The following INSL6 variants were observed in gnomAD, a reference collection of about 807,000 sequenced individuals.
The protein encoded by INSL6 is insulin like 6.
In INSL6, 16 loss-of-function variants were observed where a neutral mutation model predicts 9.4. The observed-to-expected ratio is 1.70, with a 90% CI of 1.15 to 2.59. The LOEUF is 2.59. INSL6 is among the 30% of genes most tolerant of loss of function. The pLI is 0.00. For synonymous variants in INSL6, 154 were observed against 96.9 expected, an observed-to-expected ratio of 1.59 and a Z score of -3.46; for missense variants, 391 against 257.3, an observed-to-expected ratio of 1.52 and a Z score of -3.56.
At chr9:5,106,107 A>T in the INSL6 span, among the ~76,000 whole-genome samples, 10 of 152,210 alleles carry the variant, frequency 6.6e-5, no homozygotes, top group African/African-American at 2.2e-4. Context: ...ACAAACTACC[A>T]TTAGAGTGGA....
intron 2 of INSL6, among the ~76,000 whole-genome samples, chr9:5,154,604 G>A (rs529512997): frequency 1.3e-3 from 197 of 152,110 alleles, no homozygotes; most frequent in African/African-American, 3.4e-3. Flanking sequence ...CAGAATCTAC[G>A]ATGAACTCAA....
chr9:5,023,435 G>A, the INSL6 span, among the ~76,000 whole-genome samples: 143 of 152,268 alleles, frequency 9.4e-4, no homozygotes, highest in Non-Finnish European at 1.6e-3. Context: ...TTAGGACTCG[G>A]GGGGAGCGTG....
chr9:5,124,316 T>G (rs1474752284), exon 4 of INSL6, among the ~76,000 whole-genome samples: 1 of 151,810 alleles, frequency 6.6e-6, no homozygotes, highest in East Asian at 1.9e-4. Flanking sequence ...TTCTCTAGGT[T>G]TTTTTTCTAG....
chr9:5,044,607 A>C, the INSL6 span: 2 of 791,802 alleles, frequency 2.5e-6, no homozygotes, highest in Non-Finnish European at 4.0e-6. Flanking sequence ...AAAACTTTAC[A>C]TATGGGAAAA....
chr9:5,014,158 CTCTT>C, the INSL6 span, among the ~76,000 whole-genome samples: 6 of 146,074 alleles, frequency 4.1e-5, no homozygotes, highest in Middle Eastern at 3.8e-3. Context: ...CTTTTATTTA[CTCTT>C]TCTTTTTTTT....
At chr9:5,185,121 C>T (rs1280003661) in intron 1 of INSL6, among the ~76,000 whole-genome samples, 193 bp downstream of exon 1, 2 of 151,906 alleles carry the variant, frequency 1.3e-5, no homozygotes, top group African/African-American at 4.8e-5. Context: ...ACATTTATTT[C>T]CTCCAAGTTA....
chr9:5,054,773 T>A, the INSL6 span: 1 of 1,613,248 alleles, frequency 6.2e-7, no homozygotes, highest in South Asian at 1.1e-5. The surrounding 1 kb of genome is among the most constrained non-coding windows in gnomAD (Gnocchi z 4.9). Flanking sequence ...TAAAAGAACC[T>A]GGAAGTGGTC....
At chr9:5,016,404 T>C in the INSL6 span, among the ~76,000 whole-genome samples, 1 of 152,090 alleles carries the variant, frequency 6.6e-6, no homozygotes, top group African/African-American at 2.4e-5. Flanking sequence ...TGTATGTGTG[T>C]GTGTTGAGGG....
At chr9:5,119,963 C>A (rs1823489099), downstream of INSL6, among the ~76,000 whole-genome samples, 1 of 152,090 alleles carries the variant, frequency 6.6e-6, no homozygotes, top group Non-Finnish European at 1.5e-5. Flanking sequence ...TTTGAGCTAA[C>A]TTATTGAATA....
At chr9:5,006,002 TTAAAG>T in the INSL6 span, among the ~76,000 whole-genome samples, 2 of 152,212 alleles carry the variant, frequency 1.3e-5, no homozygotes, top group African/African-American at 4.8e-5. Context: ...CATATGAACT[TTAAAG>T]TAGTTTTTTC....
chr9:5,163,211 T>G (rs1021507467), downstream of INSL6, among the ~76,000 whole-genome samples: 7 of 152,202 alleles, frequency 4.6e-5, no homozygotes, highest in African/African-American at 7.2e-5. Flanking sequence ...TTCTAACAAG[T>G]TCCCACGTGA....
the INSL6 span, among the ~76,000 whole-genome samples, chr9:5,024,941 C>G: frequency 6.6e-6 from 1 of 152,168 alleles, no homozygotes; most frequent in Non-Finnish European, 1.5e-5. Flanking sequence ...CAAGACTTTG[C>G]TTAACTAGGG....
At chr9:5,168,217 A>C (rs1564051657) in intron 1 of INSL6, among the ~76,000 whole-genome samples, 1 of 152,250 alleles carries the variant, frequency 6.6e-6, no homozygotes, top group African/African-American at 2.4e-5. Context: ...AACCGGGCTG[A>C]GTCAGAGATA....
At chr9:5,177,303 C>T (rs1044261061) in intron 1 of INSL6, among the ~76,000 whole-genome samples, 6 of 152,156 alleles carry the variant, frequency 3.9e-5, no homozygotes, top group Non-Finnish European at 7.3e-5. Flanking sequence ...TCACCCTCAG[C>T]CAAGGAAAGT....
intron 2 of INSL6, among the ~76,000 whole-genome samples, chr9:5,138,782 T>A (rs543653079): frequency 1.2e-4 from 18 of 152,028 alleles, no homozygotes; most frequent in Admixed American, 3.3e-4. Flanking sequence ...TCTAAAAAAA[T>A]AGTTACCTAA....
At chr9:5,124,214 T>A (rs1823828238) in exon 4 of INSL6, among the ~76,000 whole-genome samples, 1 of 152,092 alleles carries the variant, frequency 6.6e-6, no homozygotes. Flanking sequence ...TTTAGCTTAA[T>A]AAAGTCTCAT....
the INSL6 span, among the ~76,000 whole-genome samples, chr9:5,045,496 A>G: frequency 6.6e-6 from 1 of 152,236 alleles, no homozygotes; most frequent in African/African-American, 2.4e-5. Context: ...CTGTACAACC[A>G]TCACCACCAT....
intron 2 of INSL6, among the ~76,000 whole-genome samples, chr9:5,142,752 A>T (rs979808895): frequency 1.3e-4 from 20 of 152,116 alleles, no homozygotes; most frequent in African/African-American, 4.8e-5. Flanking sequence ...AGGAGTGGGG[A>T]GAGAGGGCAT....
At chr9:5,166,302 T>C (rs964688382) in intron 1 of INSL6, among the ~76,000 whole-genome samples, 3 of 152,182 alleles carry the variant, frequency 2.0e-5, no homozygotes, top group Admixed American at 2.0e-4. Context: ...TTTGTTTTTA[T>C]AATAACTACT....
Sources: allele counts gnomAD v4.1 joint callset (sites outside exome capture counted in the v4.1 genomes callset), GRCh38; gene constraint gnomAD v4.1.1; non-coding constraint Gnocchi (gnomAD v3.1); transcripts MANE v1.5; gene names NCBI Gene and HGNC (gene_info 2026-07-23, HGNC 2026-07-21).